RNF111: variants seen among roughly 807,000 people sequenced by gnomAD.
The protein encoded by RNF111 is E3 ubiquitin-protein ligase Arkadia.
A neutral mutation model predicts 95.1 loss-of-function variants in RNF111; 17 were observed. The ratio of observed to expected loss-of-function variants is 0.18; its 90% CI spans 0.12 to 0.27. RNF111 has a LOEUF of 0.27. RNF111 is among the 10% of genes least tolerant of loss of function. The pLI is 1.00. For missense variants in RNF111, 1,189 were observed against 1,210.4 expected (o/e 0.98, Z 0.26); for synonymous variants, 440 against 414.8 (o/e 1.06, Z -0.74).
chr15:59,001,149 A>G (rs1280997957), intron 1 of RNF111, among the ~76,000 whole-genome samples: 1 of 152,198 alleles, frequency 6.6e-6, no homozygotes, highest in East Asian at 1.9e-4. Context: ...AAGAGCATTC[A>G]AGGCAGCGTG....
At chr15:59,027,214 A>G (rs888887972) in intron 1 of RNF111, among the ~76,000 whole-genome samples, 23 of 152,148 alleles carry the variant, frequency 1.5e-4, no homozygotes, top group African/African-American at 5.1e-4. Context: ...TCTTCAGCCC[A>G]TAAAGACTCC....
chr15:59,078,552 T>TA (rs56959347), intron 7 of RNF111, among the ~76,000 whole-genome samples: 2,981 of 94,364 alleles, frequency 0.032, 57 homozygotes, highest in African/African-American at 0.041. Flanking sequence ...AACCTGTCTC[T>TA]AAAAAAAAAA....
intron 3 of RNF111, among the ~76,000 whole-genome samples, chr15:59,053,209 C>G (rs1302789479): frequency 1.3e-5 from 2 of 152,164 alleles, no homozygotes; most frequent in African/African-American, 2.4e-5. Context: ...ACATCCTTAT[C>G]TGTTTTTATA....
At chr15:59,027,083 T>G (rs956660583) in intron 1 of RNF111, among the ~76,000 whole-genome samples, 3 of 152,260 alleles carry the variant, frequency 2.0e-5, no homozygotes, top group Non-Finnish European at 2.9e-5. Flanking sequence ...CTTTGTAAAT[T>G]AATGTATGGC....
chr15:59,083,516 C>G (rs2078808342), intron 8 of RNF111, among the ~76,000 whole-genome samples: 1 of 148,106 alleles, frequency 6.8e-6, no homozygotes. Context: ...AGCCTGGTGA[C>G]AGAGCTAGAC....
intron 1 of RNF111, among the ~76,000 whole-genome samples, chr15:59,014,746 A>G (rs1165533784): frequency 6.6e-6 from 1 of 151,474 alleles, no homozygotes; most frequent in East Asian, 1.9e-4. Context: ...TTGTATTAAC[A>G]GGAATTGCAG....
intron 1 of RNF111, among the ~76,000 whole-genome samples, chr15:58,990,723 A>G (rs778880123): frequency 2.0e-5 from 3 of 152,356 alleles, no homozygotes; most frequent in African/African-American, 2.4e-5. Flanking sequence ...CATTGTAGAT[A>G]TTAATTACTG....
chr15:59,034,997 G>T (rs1166926643), intron 2 of RNF111, among the ~76,000 whole-genome samples: 1 of 152,196 alleles, frequency 6.6e-6, no homozygotes, highest in African/African-American at 2.4e-5. Flanking sequence ...TTGGCTCACA[G>T]TTCCACATGG....
intron 2 of RNF111, among the ~76,000 whole-genome samples, chr15:59,047,340 T>C: frequency 6.6e-6 from 1 of 151,956 alleles, no homozygotes; most frequent in Non-Finnish European, 1.5e-5. Flanking sequence ...ATGAAAAATT[T>C]AAAAATTAGC....
At chr15:59,047,450 G>C (rs112129861) in intron 2 of RNF111, among the ~76,000 whole-genome samples, 9,397 of 152,152 alleles carry the variant, frequency 0.062, 277 homozygotes, top group Middle Eastern at 0.092. Flanking sequence ...AGCTATTATC[G>C]TGCCATTGTA....
intron 12 of RNF111, 102 bp downstream of exon 12, chr15:59,091,256 G>A: frequency 1.6e-6 from 1 of 622,170 alleles, no homozygotes; most frequent in Non-Finnish European, 2.7e-6. Context: ...CATTTTTATT[G>A]AAGTAATGCA....
intron 6 of RNF111, among the ~76,000 whole-genome samples, chr15:59,073,083 G>A (rs2043011193): frequency 6.6e-6 from 1 of 152,102 alleles, no homozygotes; most frequent in African/African-American, 2.4e-5. Context: ...GAAGTTGGGA[G>A]GATTGCTTGA....
At chr15:59,012,979 T>C (rs1235620899) in intron 1 of RNF111, among the ~76,000 whole-genome samples, 1 of 152,132 alleles carries the variant, frequency 6.6e-6, no homozygotes, top group Non-Finnish European at 1.5e-5. Context: ...CCTCAGGTGA[T>C]CCACCTGCCT....
At chr15:59,043,621 A>G (rs1036797234) in intron 2 of RNF111, among the ~76,000 whole-genome samples, 2 of 152,174 alleles carry the variant, frequency 1.3e-5, no homozygotes, top group Admixed American at 6.5e-5. Flanking sequence ...GGTATTTGCT[A>G]TTGTGAAAAT....
In RNF111 at chr15:59,075,941, C is replaced by T. The variant is rs1596284728; in HGVS notation, c.1687-13C>T. 6.2e-7 allele frequency: 1 copy of T among 1,611,800 alleles called. No homozygotes were observed. The highest frequency in any genetic ancestry group is 1.1e-5 in the South Asian group (1 of 91,034). Reference sequence around the variant, plus strand: ...AACTTTAGAAAGATAAAATATACTTCCTTTTTATCTAGCAGGCATTGCCAG... The same window carrying T: ...AACTTTAGAAAGATAAAATATACTTTCTTTTTATCTAGCAGGCATTGCCAG... On this transcript the variant is annotated splice_polypyrimidine_tract_variant and intron_variant, in intron 6 of 13. Transcript: ENST00000348370.
chr15:59,060,401 C>G (rs1332746061), intron 5 of RNF111, among the ~76,000 whole-genome samples: 2 of 151,732 alleles, frequency 1.3e-5, no homozygotes, highest in African/African-American at 4.8e-5. Flanking sequence ...GCCAGGAGTT[C>G]AAGACCAGCC....
At position 59,036,342 on chromosome 15, in the gene RNF111, T is replaced by G. The variant is rs2041177177; in HGVS notation, c.880+4640T>G. Among the ~76,000 whole-genome samples, 4 of 152,104 alleles carry G rather than the reference T, an allele frequency of 2.6e-5. No homozygotes were observed. In the South Asian group the frequency reaches 8.3e-4, roughly 32 times the overall value. On this transcript the variant is annotated intron_variant, in intron 2 of 13. Coordinates refer to ENST00000348370, the MANE Select transcript of RNF111 (RefSeq NM_017610.8). Reference sequence around the variant, plus strand: ...TCCCAAAGTGCTGGGATTACAGGTTTGAGCCACCGCACCCGGCCAAGACTG... The same window carrying G: ...TCCCAAAGTGCTGGGATTACAGGTTGGAGCCACCGCACCCGGCCAAGACTG...
chr15:59,073,481 CAA>C (rs34527160), intron 6 of RNF111, among the ~76,000 whole-genome samples: 64 of 115,712 alleles, frequency 5.5e-4, no homozygotes, highest in Admixed American at 2.2e-3. Flanking sequence ...ACACCATCTC[CAA>C]AAAAAAAAAA....
chr15:59,066,897 T>C lies in RNF111; in HGVS notation c.1500T>C (p.Pro500=), dbSNP rs372159066. ...SSQNHHALGH[P]HTSCFQQHGH... is the part of the protein sequence containing the mutation. ...AGAACCACCATGCATTAGGACATCC[T>C]CATACAAGTTGCTTTCAGCAGCATG... is the stretch of plus-strand genomic sequence containing the variant. The change falls in exon 6 of 14, where the codon CCT becomes CCC. Residue 500 remains proline, a synonymous_variant. Coordinates refer to ENST00000348370, the MANE Select transcript of RNF111 (RefSeq NM_017610.8). 5.0e-6 allele frequency: 8 copies of C among 1,614,042 alleles called. No individual in the cohort carries two copies. Among genetic ancestry groups the C allele is most frequent in the Non-Finnish European group, 6.8e-6 (8 of 1,180,014 alleles).
Sources: gnomAD v4.1 joint callset for allele counts (sites outside exome capture counted in the v4.1 genomes callset) on GRCh38, gnomAD v4.1.1 for gene constraint, MANE v1.5 for transcripts, NCBI Gene and HGNC (gene_info 2026-07-23, HGNC 2026-07-21) for gene names.